KNTC1: variants seen among roughly 807,000 people sequenced by gnomAD.
KNTC1 encodes the protein kinetochore associated 1, also known as kinetochore-associated protein 1.
Under a neutral mutation model 314.4 loss-of-function variants are expected in KNTC1, and 253 were observed. The observed-to-expected ratio is 0.80, with a 90% CI of 0.73 to 0.89. The LOEUF (loss-of-function observed/expected upper bound fraction) is 0.89, where lower values mean the gene tolerates loss of function less well. Among genes scored for constraint, KNTC1 ranks in the 40% least tolerant of loss-of-function variants. KNTC1 has a pLI of 0.00. For missense variants in KNTC1, 2,475 were observed against 2,572.9 expected, an observed-to-expected ratio of 0.96 and a Z score of 0.82; for synonymous variants, 901 against 901.4, an observed-to-expected ratio of 1.00 and a Z score of 0.01.
intron 4 of KNTC1, among the ~76,000 whole-genome samples, chr12:122,539,332 T>A (rs1460080727): frequency 6.6e-6 from 1 of 152,190 alleles, no homozygotes; most frequent in African/African-American, 2.4e-5. Context: ...AATGGTATTT[T>A]AAATTAAAAA....
chr12:122,604,563 G>A lies in KNTC1; in HGVS notation c.5102-1G>A. 7.2e-7 allele frequency: 1 copy of A among 1,389,334 alleles called. No individual in the cohort carries two copies. The highest frequency in any genetic ancestry group is 1.0e-6 in the Non-Finnish European group (1 of 983,966). The allele number at this position is 1,389,334 out of a possible 1,614,324, so 86.1% of individuals were successfully genotyped here. On this transcript the variant is annotated splice_acceptor_variant, in intron 48 of 63. Transcript: ENST00000333479. LOFTEE classifies it high-confidence loss of function. ...TTTATTTATTTATTTATTTATTTTAGGTTCCTTCAAGATATCTGCTTTGAA... is the reference window on the plus strand; with the variant it reads ...TTTATTTATTTATTTATTTATTTTAAGTTCCTTCAAGATATCTGCTTTGAA...
chr12:122,584,494 A>T (rs370722847), intron 35 of KNTC1, 44 bp downstream of exon 35: 5 of 1,441,784 alleles, frequency 3.5e-6, no homozygotes, highest in African/African-American at 1.4e-5. Flanking sequence ...TCTCTGGTTC[A>T]TGTCATACTT....
At chr12:122,557,724 G>A (rs1433821873) in intron 18 of KNTC1, 35 bp downstream of exon 18, 14 of 1,478,152 alleles carry the variant, frequency 9.5e-6, no homozygotes, top group Non-Finnish European at 1.2e-5. Flanking sequence ...TTTTTTTGGG[G>A]CAGGGGAGAA....
At chr12:122,543,824 C>T (rs1049031558) in intron 7 of KNTC1, among the ~76,000 whole-genome samples, 190 bp downstream of exon 7, 4 of 152,048 alleles carry the variant, frequency 2.6e-5, no homozygotes, top group South Asian at 4.2e-4. Flanking sequence ...GCCAAGGGGG[C>T]GGATCACCTG....
chr12:122,585,532 T>TA (rs1869137521), intron 36 of KNTC1, 104 bp from the exon 37 acceptor site: 3 of 1,271,388 alleles, frequency 2.4e-6, no homozygotes, highest in Admixed American at 4.4e-5. Flanking sequence ...GTCCTTCTGT[T>TA]AGAGTTTAAC....
intron 6 of KNTC1, 86 bp downstream of exon 6, chr12:122,542,213 CTT>C (rs1443086670): frequency 1.1e-6 from 1 of 891,920 alleles, no homozygotes. Context: ...TAAGTACTCT[CTT>C]TAAGCTTATT....
intron 39 of KNTC1, among the ~76,000 whole-genome samples, chr12:122,588,344 C>T (rs1291621331): frequency 6.6e-6 from 1 of 152,112 alleles, no homozygotes; most frequent in Non-Finnish European, 1.5e-5. Context: ...TGATAACTCG[C>T]TTATGAAACT....
Position 122,624,586 on chromosome 12 carries a change from T to C in KNTC1, c.6516-12T>C, listed in dbSNP as rs1194703535. The C allele has an allele frequency of 3.7e-6, 6 of 1,604,676 alleles. No individual in the cohort carries two copies. Among genetic ancestry groups the C allele is most frequent in the East Asian group, 2.2e-5 (1 of 44,798 alleles). ...CTTGGCCTAACACTTCTTTTTCTTT[T>C]TGATTTTGTAGTTTAGATGAAGCTT... is the stretch of plus-strand genomic sequence containing the variant. On this transcript the variant is annotated splice_polypyrimidine_tract_variant and intron_variant, in intron 62 of 63. Coordinates refer to ENST00000333479, the MANE Select transcript of KNTC1 (RefSeq NM_014708.6).
chr12:122,539,723 T>C lies in KNTC1; in HGVS notation c.414T>C (p.Asn138=). 2 of 1,582,290 alleles carry C rather than the reference T, an allele frequency of 1.3e-6. No homozygotes were observed. The highest frequency in any genetic ancestry group is 1.7e-6 in the Non-Finnish European group (2 of 1,163,642). Residue 138 remains asparagine, a synonymous_variant, in exon 5 of 64, where the codon AAT becomes AAC. Coordinates refer to ENST00000333479, the MANE Select transcript of KNTC1 (RefSeq NM_014708.6). ...ANDENRRTYQ[N]LVIEKDGSNE... ...ATGAAAATCGGCGGACTTACCAGAA[T>C]CTTGTCATTGAGAAGGATGGTTCAA... is the stretch of plus-strand genomic sequence containing the variant.
chr12:122,570,975 T>C lies in KNTC1; in HGVS notation c.1917+43T>C, dbSNP rs962967786. On this transcript the variant is annotated intron_variant, in intron 23 of 63. Coordinates refer to ENST00000333479, the MANE Select transcript of KNTC1 (RefSeq NM_014708.6). ...AACAGTAAAAAGACATTTTGCACAC[T>C]CCCAACAGCATAAAACATTGTTTTG... 8.1e-6 allele frequency: 13 copies of C among 1,596,664 alleles called. No individual in the cohort carries two copies. In the Admixed American group the frequency reaches 1.2e-4, roughly 14 times the overall value.
chr12:122,554,078 T>TATATATATATATATAG (rs1963406776), intron 16 of KNTC1, among the ~76,000 whole-genome samples: 1 of 92,378 alleles, frequency 1.1e-5, no homozygotes, highest in African/African-American at 5.0e-5. Flanking sequence ...AAAAAAAAAA[T>TATATATATATATATAG]ATATATATAT....
chr12:122,573,287 T>G lies in KNTC1; in HGVS notation c.2283+2T>G, dbSNP rs1274358112. The G allele has an allele frequency of 1.2e-6, 2 of 1,612,360 alleles. No homozygotes were observed. ...GAACTTCTCTTGCTGTACATAGAGG[T>G]AACTTTTCCTTTACATCTAGTCTTA... On this transcript the variant is annotated splice_donor_variant, in intron 26 of 63. Transcript: ENST00000333479. LOFTEE classifies it high-confidence loss of function.
At chr12:122,599,208 C>A (rs976744399) in intron 44 of KNTC1, among the ~76,000 whole-genome samples, 2 of 151,894 alleles carry the variant, frequency 1.3e-5, no homozygotes, top group African/African-American at 2.4e-5. Flanking sequence ...CTCAAGTGAT[C>A]GTCCTGTTCA....
At position 122,547,514 on chromosome 12, in the gene KNTC1, C is replaced by T; in HGVS notation, c.916C>T (p.Pro306Ser). 8 of 1,601,342 alleles carry T rather than the reference C, an allele frequency of 5.0e-6. No individual in the cohort carries two copies. Among genetic ancestry groups the T allele is most frequent in the African/African-American group, 1.3e-5 (1 of 74,852 alleles). Residue 306 changes from proline (P) to serine (S), a missense_variant, in exon 11 of 64, where the codon CCT becomes TCT. Pro to Ser is a moderately conservative substitution (Grantham distance 74, BLOSUM62 -1). Transcript: ENST00000333479. ...EFLLTTEADSPSSVTWQGITN... is the reference protein window; with the variant it reads ...EFLLTTEADSSSSVTWQGITN... Reference sequence around the variant, plus strand: ...TCTTCTTACTACAGAAGCAGACTCTCCTTCATCAGTCACGTGGTATGTTAT... The same window carrying T: ...TCTTCTTACTACAGAAGCAGACTCTTCTTCATCAGTCACGTGGTATGTTAT...
intron 42 of KNTC1, among the ~76,000 whole-genome samples, chr12:122,592,025 G>A (rs1004894907): frequency 6.6e-6 from 1 of 152,200 alleles, no homozygotes; most frequent in African/African-American, 2.4e-5. Flanking sequence ...GGTGTGGAGG[G>A]AGAGGCGCGA....
At position 122,618,598 on chromosome 12, in the gene KNTC1, A is replaced by T; in HGVS notation, c.6149+53A>T. 2.2e-6 allele frequency: 3 copies of T among 1,334,812 alleles called. No homozygotes were observed. The South Asian group carries it at 3.6e-5, about 16-fold the overall frequency. 82.7% of individuals were successfully genotyped at this position (1,334,812 alleles called of 1,614,324 possible). ...AAAAAAAAAGTTTGTTGCTTATAAG[A>T]TTCCCTTCTAATAGATATCTCTAAT... is the stretch of plus-strand genomic sequence containing the variant. On this transcript the variant is annotated intron_variant, in intron 59 of 63. Transcript: ENST00000333479.
At chr12:122,598,012 C>A in intron 44 of KNTC1, 74 bp downstream of exon 44, 1 of 1,079,756 alleles carries the variant, frequency 9.3e-7, no homozygotes, top group Non-Finnish European at 1.4e-6. Flanking sequence ...ACATTAGTAA[C>A]AAATTGGATG....
At chr12:122,573,372 T>TA in intron 26 of KNTC1, 87 bp downstream of exon 26, 1 of 1,221,674 alleles carries the variant, frequency 8.2e-7, no homozygotes, top group South Asian at 1.4e-5. Flanking sequence ...AGGAATGTCA[T>TA]ATGCTTTCTC....
chr12:122,574,455 A>G (rs1964892801), intron 27 of KNTC1, 75 bp downstream of exon 27: 1 of 876,360 alleles, frequency 1.1e-6, no homozygotes, highest in African/African-American at 1.7e-5. Flanking sequence ...CTGTTCATAA[A>G]AGCGACATAT....
Sources: gnomAD v4.1 joint callset for allele counts (sites outside exome capture counted in the v4.1 genomes callset) on GRCh38, gnomAD v4.1.1 for gene constraint, MANE v1.5 for transcripts, NCBI Gene and HGNC (gene_info 2026-07-23, HGNC 2026-07-21) for gene names.